SCHIP1: variants seen among roughly 807,000 people sequenced by gnomAD.
SCHIP1 encodes the protein schwannomin interacting protein 1.
SCHIP1 carries 8 observed loss-of-function variants against 29.7 expected under a neutral mutation model. The ratio of observed to expected loss-of-function variants is 0.27; its 90% CI spans 0.16 to 0.49. The LOEUF (loss-of-function observed/expected upper bound fraction) is 0.49, where lower values mean the gene tolerates loss of function less well. Among genes scored for constraint, SCHIP1 ranks in the 20% least tolerant of loss-of-function variants. SCHIP1 has a pLI of 0.99. For missense variants in SCHIP1, 193 were observed against 294.6 expected, an observed-to-expected ratio of 0.66 and a Z score of 2.52; for synonymous variants, 76 against 94.9, an observed-to-expected ratio of 0.80 and a Z score of 1.16.
At chr3:159,878,173 T>C (rs1025651501) in intron 2 of SCHIP1, among the ~76,000 whole-genome samples, 2 of 152,232 alleles carry the variant, frequency 1.3e-5, no homozygotes, top group Non-Finnish European at 2.9e-5. Context: ...GTTCTTTCCT[T>C]TTCTTTTTTA....
At chr3:159,701,601 T>C in the SCHIP1 span, among the ~76,000 whole-genome samples, 1 of 152,280 alleles carries the variant, frequency 6.6e-6, no homozygotes, top group East Asian at 1.9e-4. Context: ...ATTTTCTGTA[T>C]ACTGGTTCTA....
chr3:159,835,031 C>T (rs919499106), upstream of SCHIP1, among the ~76,000 whole-genome samples: 8 of 152,252 alleles, frequency 5.3e-5, no homozygotes, highest in East Asian at 9.6e-4. Context: ...TAATTTTTCT[C>T]GTCATTCCTT....
chr3:159,496,257 A>T, the SCHIP1 span, among the ~76,000 whole-genome samples: 1 of 152,240 alleles, frequency 6.6e-6, no homozygotes, highest in African/African-American at 2.4e-5. Flanking sequence ...GACAAATGGG[A>T]TCTAATTAAA....
At chr3:159,412,344 G>C in the SCHIP1 span, among the ~76,000 whole-genome samples, 1 of 152,192 alleles carries the variant, frequency 6.6e-6, no homozygotes, top group Non-Finnish European at 1.5e-5. Flanking sequence ...CCTTTTGACA[G>C]TAGAAGGAGG....
chr3:159,441,371 C>G, the SCHIP1 span, among the ~76,000 whole-genome samples: 1 of 152,098 alleles, frequency 6.6e-6, no homozygotes, highest in Non-Finnish European at 1.5e-5. Flanking sequence ...CTCTATTTTA[C>G]ATTCACAACC....
chr3:159,470,268 A>C, the SCHIP1 span, among the ~76,000 whole-genome samples: 1 of 152,312 alleles, frequency 6.6e-6, no homozygotes, highest in African/African-American at 2.4e-5. Context: ...ATAATTTCCA[A>C]AGTAATATTA....
the SCHIP1 span, among the ~76,000 whole-genome samples, chr3:159,297,549 C>T: frequency 2.6e-5 from 4 of 152,078 alleles, no homozygotes; most frequent in Non-Finnish European, 5.9e-5. Context: ...TGCCAAAGGC[C>T]TAGCTCTTCT....
At chr3:159,869,106 A>T (rs1321649002) in intron 2 of SCHIP1, among the ~76,000 whole-genome samples, 2 of 152,152 alleles carry the variant, frequency 1.3e-5, no homozygotes, top group South Asian at 2.1e-4. Context: ...TGCTTTTCTC[A>T]TCAACTTATC....
chr3:159,625,353 A>T, the SCHIP1 span, among the ~76,000 whole-genome samples: 1,108 of 152,284 alleles, frequency 7.3e-3, 11 homozygotes, highest in Non-Finnish European at 8.4e-3. Flanking sequence ...GTGTTCAGCT[A>T]CTTAAGTCCT....
chr3:159,795,197 C>G, the SCHIP1 span, among the ~76,000 whole-genome samples: 1 of 152,184 alleles, frequency 6.6e-6, no homozygotes, highest in African/African-American at 2.4e-5. Context: ...TCTCCGTGAC[C>G]TTAGAGCAGG....
chr3:159,274,147 A>G, the SCHIP1 span: 1 of 985,362 alleles, frequency 1.0e-6, no homozygotes, highest in South Asian at 4.7e-5. Context: ...TAGTGCACCA[A>G]AACTAATTGC....
the SCHIP1 span, among the ~76,000 whole-genome samples, chr3:159,326,788 C>T: frequency 6.6e-6 from 1 of 152,124 alleles, no homozygotes; most frequent in African/African-American, 2.4e-5. Context: ...GATAGATTTG[C>T]ACTGGGTACT....
the SCHIP1 span, among the ~76,000 whole-genome samples, chr3:159,788,100 G>A: frequency 6.6e-6 from 1 of 152,206 alleles, no homozygotes. Flanking sequence ...GCAGCCTGGA[G>A]ACTAAGCTCT....
the SCHIP1 span, among the ~76,000 whole-genome samples, chr3:159,788,914 C>T: frequency 6.6e-6 from 1 of 152,120 alleles, no homozygotes; most frequent in East Asian, 1.9e-4. Context: ...CTCCAAAATT[C>T]TAAACTTTTT....
At chr3:159,623,611 G>A in the SCHIP1 span, among the ~76,000 whole-genome samples, 1 of 152,150 alleles carries the variant, frequency 6.6e-6, no homozygotes, top group African/African-American at 2.4e-5. Context: ...GGGTGACAGA[G>A]TGAGACTCCA....
chr3:159,423,522 CCCAGGCTTG>C, the SCHIP1 span, among the ~76,000 whole-genome samples: 1 of 152,356 alleles, frequency 6.6e-6, no homozygotes, highest in Non-Finnish European at 1.5e-5. Flanking sequence ...CCTGCCATTG[CCCAGGCTTG>C]CTTAGGTAAA....
chr3:159,772,894 C>T, the SCHIP1 span, among the ~76,000 whole-genome samples: 8 of 152,172 alleles, frequency 5.3e-5, no homozygotes, highest in African/African-American at 1.9e-4. Flanking sequence ...GTGCCAGCCA[C>T]CATGCCCGGC....
At chr3:159,497,299 T>G in the SCHIP1 span, among the ~76,000 whole-genome samples, 1 of 151,866 alleles carries the variant, frequency 6.6e-6, no homozygotes, top group Non-Finnish European at 1.5e-5. Flanking sequence ...GCATGCTAAC[T>G]CCTTCATATT....
upstream of SCHIP1, among the ~76,000 whole-genome samples, chr3:159,835,542 AG>A: frequency 6.6e-6 from 1 of 152,338 alleles, no homozygotes; most frequent in East Asian, 1.9e-4. Context: ...TGTACTTCAA[AG>A]TAAGTTGCAG....
Sources: allele counts gnomAD v4.1 joint callset (sites outside exome capture counted in the v4.1 genomes callset), GRCh38; gene constraint gnomAD v4.1.1; transcripts MANE v1.5; gene names NCBI Gene and HGNC (gene_info 2026-07-23, HGNC 2026-07-21).